MARVELD3: variants seen among roughly 807,000 people sequenced by gnomAD.
MARVELD3 encodes the protein MARVEL domain containing 3, also known as MARVEL domain-containing protein 3.
A neutral mutation model predicts 33.5 loss-of-function variants in MARVELD3; 28 were observed. That is an observed-to-expected ratio of 0.84 (90% confidence interval 0.62 to 1.15). The LOEUF is 1.15. Among genes scored for constraint, MARVELD3 ranks in the 50% most tolerant of loss-of-function variants. The probability of loss-of-function intolerance (pLI) is 0.00; values close to 1 mark genes in which losing one functional copy is unlikely to be tolerated. For missense variants in MARVELD3, 582 were observed against 547.6 expected (o/e 1.06, Z -0.63); for synonymous variants, 241 against 230.4 (o/e 1.05, Z -0.42).
At chr16:71,640,796 C>T, downstream of MARVELD3, 1 of 1,614,242 alleles carries the variant, frequency 6.2e-7, no homozygotes, top group Admixed American at 1.7e-5. Flanking sequence ...CCGACACTTG[C>T]AAAACAAGAG....
Position 71,634,498 on chromosome 16 carries a change from C to T in MARVELD3, c.901C>T (p.Leu301=), listed in dbSNP as rs377678109. The part of the protein sequence containing the change: ...GVLRVPWHCP[L]LLVTEGLLDM... Reference sequence around the variant, plus strand: ...CCTGCGGGTCCCGTGGCATTGTCCACTGTTGCTGGTGACCGAAGGCTTGTT... The same window carrying T: ...CCTGCGGGTCCCGTGGCATTGTCCATTGTTGCTGGTGACCGAAGGCTTGTT... The change falls in exon 3 of 3, where the codon CTG becomes TTG. Residue 301 remains leucine (L), a synonymous_variant. Transcript: ENST00000268485. 19 of 1,614,230 alleles carry T rather than the reference C, an allele frequency of 1.2e-5. No individual in the cohort carries two copies. Among genetic ancestry groups the T allele is most frequent in the Admixed American group, 1.7e-5 (1 of 60,028 alleles).
rs2044465742 is a variant in MARVELD3, at chr16:71,626,270, C to A, written c.41C>A (p.Pro14Gln). The change falls in exon 1 of 3, where the codon CCG (proline) becomes CAG (glutamine). Residue 14 changes from proline (P) to glutamine (Q), a missense_variant. By Grantham distance (76) the Pro-to-Gln change is moderately conservative. Coordinates refer to ENST00000268485, the MANE Select transcript of MARVELD3 (RefSeq NM_052858.6). This position sits in a 1 kb window ranked among gnomAD's most constrained non-coding sequence, Gnocchi z 5.3. Reference sequence around the variant, plus strand: ...GGGGCTCGCGAGCCCCGGGCCCGGCCGAGAGAGCGGGACCCGGGACGGCGC... The same window carrying A: ...GGGGCTCGCGAGCCCCGGGCCCGGCAGAGAGAGCGGGACCCGGGACGGCGC... The part of the protein sequence containing the change: ...PSGAREPRAR[P>Q]RERDPGRRPH... The A allele has an allele frequency of 1.5e-5, 23 of 1,534,778 alleles. No individual in the cohort carries two copies. The highest frequency in any genetic ancestry group is 1.8e-5 in the Non-Finnish European group (21 of 1,140,472).
At chr16:71,629,671 C>T (rs570115720) in intron 2 of MARVELD3, 177 bp downstream of exon 2, 7 of 593,686 alleles carry the variant, frequency 1.2e-5, no homozygotes, top group Non-Finnish European at 1.8e-5. Context: ...AAAGGAGGAA[C>T]GTCTCAAAAG....
In MARVELD3 at chr16:71,626,186, T is replaced by TG; in HGVS notation, c.-43dup. ...CCACCTGCCCAAGAAACTTGTTGGT[T>TG]GTTGCCCTCAGGTCGCTCCCGGGCG... On this transcript the variant is annotated 5_prime_UTR_variant, in exon 1 of 3. Transcript: ENST00000268485. This position sits in a 1 kb window ranked among gnomAD's most constrained non-coding sequence, Gnocchi z 5.3. 7.0e-7 allele frequency: 1 copy of TG among 1,429,206 alleles called. No homozygotes were observed. The allele number at this position is 1,429,206 out of a possible 1,614,324, so 88.5% of individuals were successfully genotyped here. A position where few individuals can be genotyped will look rare whatever the true frequency, so the allele number is the denominator to read the frequency against.
At chr16:71,632,656 G>A (rs939414255) in intron 2 of MARVELD3, among the ~76,000 whole-genome samples, 1 of 150,326 alleles carries the variant, frequency 6.7e-6, no homozygotes, top group Non-Finnish European at 1.5e-5. Flanking sequence ...CTGTCACCCA[G>A]GCTGGGGTAC....
Position 71,635,112 on chromosome 16 carries a change from G to C in MARVELD3, c.*309G>C, listed in dbSNP as rs1200811073. 2.1e-6 allele frequency: 2 copies of C among 970,418 alleles called. No individual in the cohort carries two copies. Among genetic ancestry groups the C allele is most frequent in the East Asian group, 8.4e-5 (1 of 11,872 alleles). 60.1% of individuals were successfully genotyped at this position (970,418 alleles called of 1,614,324 possible). A position where few individuals can be genotyped will look rare whatever the true frequency, so the allele number is the denominator to read the frequency against. ...GGAGGCTGAGGTGGGTGGATCACTT[G>C]AGGTCAGGAGCTCGAGACCAGCTTG... On this transcript the variant is annotated 3_prime_UTR_variant, in exon 3 of 3. Transcript: ENST00000268485.
chr16:71,639,937 G>A (rs559518072), downstream of MARVELD3, among the ~76,000 whole-genome samples: 3 of 152,220 alleles, frequency 2.0e-5, no homozygotes, highest in East Asian at 1.9e-4. Context: ...TTCAAACATA[G>A]ATTGAAAACA....
chr16:71,631,193 C>T (rs1473594429), intron 2 of MARVELD3, among the ~76,000 whole-genome samples: 2 of 152,144 alleles, frequency 1.3e-5, no homozygotes, highest in African/African-American at 4.8e-5. Flanking sequence ...ACTCTAGTTG[C>T]AGATATTGGC....
At chr16:71,628,200 AC>A (rs1303978036) in intron 1 of MARVELD3, among the ~76,000 whole-genome samples, 1 of 152,336 alleles carries the variant, frequency 6.6e-6, no homozygotes, top group African/African-American at 2.4e-5. Context: ...CAACTGCAGG[AC>A]CTGGGAGAAT....
At position 71,635,215 on chromosome 16, in the gene MARVELD3, G is replaced by A; in HGVS notation, c.*412G>A. 1.3e-6 allele frequency: 1 copy of A among 785,806 alleles called. No individual in the cohort carries two copies. The highest frequency in any genetic ancestry group is 1.5e-6 in the Non-Finnish European group (1 of 646,690). The allele number at this position is 785,806 out of a possible 1,614,324, so 48.7% of individuals were successfully genotyped here. ...GTGGTGGCGGGCGCCTGTAATCCCA[G>A]CTACTTGGGAGGCTGAGGCAGGAGA... On this transcript the variant is annotated 3_prime_UTR_variant, in exon 3 of 3. Transcript: ENST00000268485.
At chr16:71,640,007 G>A (rs2044605883), downstream of MARVELD3, among the ~76,000 whole-genome samples, 3 of 152,084 alleles carry the variant, frequency 2.0e-5, no homozygotes, top group South Asian at 4.1e-4. Flanking sequence ...GGTGGCTTAC[G>A]CCTGTAATCT....
chr16:71,628,729 C>G (rs1234575193), intron 1 of MARVELD3, among the ~76,000 whole-genome samples: 4 of 151,878 alleles, frequency 2.6e-5, no homozygotes, highest in African/African-American at 9.7e-5. Context: ...CCTGTGCATG[C>G]TAAAAGTTTG....
intron 2 of MARVELD3, among the ~76,000 whole-genome samples, chr16:71,633,314 A>G (rs1456785584): frequency 6.6e-6 from 1 of 152,148 alleles, no homozygotes; most frequent in Non-Finnish European, 1.5e-5. Flanking sequence ...GTGAGCTGTG[A>G]TTGTGCCACT....
chr16:71,630,946 C>A (rs2044526948), intron 2 of MARVELD3, among the ~76,000 whole-genome samples: 1 of 152,146 alleles, frequency 6.6e-6, no homozygotes, highest in Non-Finnish European at 1.5e-5. Context: ...CTTGGCCTTG[C>A]CAGCAATGAA....
At chr16:71,640,653 C>A, downstream of MARVELD3, 3 of 1,614,200 alleles carry the variant, frequency 1.9e-6, no homozygotes, top group Non-Finnish European at 2.5e-6. Flanking sequence ...TGTTTTACTC[C>A]AAGGAGCCAA....
At chr16:71,631,934 C>T (rs1428372116) in intron 2 of MARVELD3, among the ~76,000 whole-genome samples, 1 of 152,120 alleles carries the variant, frequency 6.6e-6, no homozygotes, top group Non-Finnish European at 1.5e-5. Context: ...TGGAACCAGG[C>T]ATTAAATCTG....
downstream of MARVELD3, chr16:71,640,651 T>C (rs1163371338): frequency 6.2e-7 from 1 of 1,614,214 alleles, no homozygotes; most frequent in Admixed American, 1.7e-5. Flanking sequence ...GGTGTTTTAC[T>C]CCAAGGAGCC....
At chr16:71,631,726 A>G (rs748910418) in intron 2 of MARVELD3, among the ~76,000 whole-genome samples, 2 of 152,172 alleles carry the variant, frequency 1.3e-5, no homozygotes, top group Non-Finnish European at 1.5e-5. Flanking sequence ...GATTACAGGC[A>G]TGAGCCACCA....
chr16:71,628,739 G>A (rs1267593693), intron 1 of MARVELD3, among the ~76,000 whole-genome samples: 1 of 152,044 alleles, frequency 6.6e-6, no homozygotes, highest in East Asian at 1.9e-4. Flanking sequence ...CTAAAAGTTT[G>A]AAAAATTTCA....
Sources: gnomAD v4.1 joint callset for allele counts (sites outside exome capture counted in the v4.1 genomes callset) on GRCh38, gnomAD v4.1.1 for gene constraint, Gnocchi (gnomAD v3.1) non-coding constraint, MANE v1.5 for transcripts, NCBI Gene and HGNC (gene_info 2026-07-23, HGNC 2026-07-21) for gene names.